The following BACH1 variants were observed in gnomAD, a reference collection of about 807,000 sequenced individuals.
BACH1 encodes transcription regulator protein BACH1.
BACH1 carries 35 observed loss-of-function variants against 52.9 expected under a neutral mutation model. The observed-to-expected ratio is 0.66, with a 90% CI of 0.51 to 0.88. The LOEUF (loss-of-function observed/expected upper bound fraction) is 0.88, where lower values mean the gene tolerates loss of function less well. BACH1 is among the 40% of genes least tolerant of loss of function. BACH1 has a pLI of 0.00. For missense variants in BACH1, 808 were observed against 872.6 expected (o/e 0.93, Z 0.93); for synonymous variants, 321 against 319.6 (o/e 1.00, Z -0.05).
chr21:29,340,829 C>T (rs1437806042), intron 4 of BACH1, among the ~76,000 whole-genome samples: 1 of 152,110 alleles, frequency 6.6e-6, no homozygotes, highest in Non-Finnish European at 1.5e-5. Context: ...AGGTACCGTT[C>T]TTGCCCTTTC....
intron 1 of BACH1, among the ~76,000 whole-genome samples, chr21:29,316,106 A>G (rs1241540514): frequency 1.3e-5 from 2 of 152,194 alleles, no homozygotes; most frequent in East Asian, 3.9e-4. Context: ...ATGGAACTTT[A>G]TACAAAGTTA....
At chr21:29,355,806 GCCCAA>G (rs2089230953) in intron 2 of BACH1, among the ~76,000 whole-genome samples, 2 of 152,240 alleles carry the variant, frequency 1.3e-5, no homozygotes, top group South Asian at 4.1e-4. Flanking sequence ...AAGCCATGTT[GCCCAA>G]CTCCAGAGGT....
At chr21:29,301,033 G>A (rs759302462) in intron 1 of BACH1, among the ~76,000 whole-genome samples, 2 of 152,158 alleles carry the variant, frequency 1.3e-5, no homozygotes, top group African/African-American at 4.8e-5. Context: ...TGCAAACAAA[G>A]TTTAGGAATG....
At chr21:29,347,388 G>A (rs779042113), downstream of BACH1, among the ~76,000 whole-genome samples, 3 of 152,188 alleles carry the variant, frequency 2.0e-5, no homozygotes, top group Non-Finnish European at 2.9e-5. Flanking sequence ...TAGACTTAAT[G>A]ACGCTAAAAA....
intron 2 of BACH1, 114 bp downstream of exon 2, chr21:29,321,628 C>A: frequency 3.3e-6 from 3 of 902,324 alleles, no homozygotes; most frequent in South Asian, 2.1e-5. Context: ...GAGCATTTCC[C>A]AGGTTCTGTG....
rs747731338 is a variant in BACH1, at chr21:29,342,527, A to C, written c.1905A>C (p.Ile635=). 6.2e-7 allele frequency: 1 copy of C among 1,614,246 alleles called. No individual in the cohort carries two copies. ...CKEAALSQEQ[I]QILAKYSAAD... ...AAGCAGCTCTGAGTCAAGAACAAAT[A>C]CAGATACTCGCCAAGTACTCAGCTG... The change falls in exon 5 of 5, where the codon ATA becomes ATC. Residue 635 remains isoleucine (I), a synonymous_variant. Coordinates refer to ENST00000286800, the MANE Select transcript of BACH1 (RefSeq NM_001186.4).
At chr21:29,325,245 A>C (rs1601353830) in intron 2 of BACH1, among the ~76,000 whole-genome samples, 1 of 152,120 alleles carries the variant, frequency 6.6e-6, no homozygotes, top group African/African-American at 2.4e-5. Flanking sequence ...AAAAAAAATC[A>C]CAAATATTAA....
intron 1 of BACH1, among the ~76,000 whole-genome samples, chr21:29,310,444 C>T (rs1007329334): frequency 6.6e-6 from 1 of 152,172 alleles, no homozygotes; most frequent in Non-Finnish European, 1.5e-5. Context: ...GATTTCTGGA[C>T]ATACTGAATT....
chr21:29,326,696 C>T lies in BACH1; in HGVS notation c.872C>T (p.Thr291Met), dbSNP rs372287138. The T allele has an allele frequency of 2.8e-5, 45 of 1,613,986 alleles. No individual in the cohort carries two copies. In the Middle Eastern group the frequency reaches 6.6e-4, roughly 24 times the overall value. The change falls in exon 3 of 5, where the codon ACG (threonine) becomes ATG (methionine). Residue 291 changes from threonine to methionine, a missense_variant. Physicochemically the swap from Thr to Met is moderately conservative, Grantham distance 81. Transcript: ENST00000286800. ...ESKLAMEPEE[T>M]KKDPASQCPT... ...AAATTAGCAATGGAACCTGAAGAAACGAAGAAAGATCCTGCTTCTCAGTGC... is the reference window on the plus strand; with the variant it reads ...AAATTAGCAATGGAACCTGAAGAAATGAAGAAAGATCCTGCTTCTCAGTGC...
chr21:29,351,206 G>A (rs370813406), intron 2 of BACH1, among the ~76,000 whole-genome samples: 86 of 152,248 alleles, frequency 5.6e-4, no homozygotes, highest in African/African-American at 2.0e-3. Context: ...TCAGGAGACC[G>A]GACCTAAATA....
chr21:29,339,906 G>C (rs1346040332), intron 4 of BACH1, among the ~76,000 whole-genome samples: 1 of 152,186 alleles, frequency 6.6e-6, no homozygotes, highest in Non-Finnish European at 1.5e-5. Flanking sequence ...AAAGTGCTGG[G>C]ATTACAGGCG....
rs754294251 is a variant in BACH1, at chr21:29,326,746, C to T, written c.922C>T (p.Pro308Ser). Residue 308 changes from proline (P) to serine (S), a missense_variant, in exon 3 of 5, where the codon CCT becomes TCT. By Grantham distance (74) the Pro-to-Ser change is moderately conservative (BLOSUM62 -1). Transcript: ENST00000286800. ...CCCAACTGAAAAATCAGAAGTGACTCCTTTCCCCCACAATTCTTCCATAGA... is the reference window on the plus strand; with the variant it reads ...CCCAACTGAAAAATCAGAAGTGACTTCTTTCCCCCACAATTCTTCCATAGA... Reference protein sequence around the residue: ...QCPTEKSEVTPFPHNSSIDPH... With the variant: ...QCPTEKSEVTSFPHNSSIDPH... 6.2e-7 allele frequency: 1 copy of T among 1,614,038 alleles called. No homozygotes were observed. Among genetic ancestry groups the T allele is most frequent in the East Asian group, 2.2e-5 (1 of 44,890 alleles).
chr21:29,356,840 T>C (rs1040674047), intron 2 of BACH1, among the ~76,000 whole-genome samples: 1 of 125,848 alleles, frequency 7.9e-6, no homozygotes, highest in African/African-American at 2.7e-5. Flanking sequence ...GTTTTTCCTT[T>C]ACTACTTCTA....
intron 1 of BACH1, among the ~76,000 whole-genome samples, chr21:29,306,580 TG>T (rs1309944619): frequency 6.6e-6 from 1 of 152,142 alleles, no homozygotes; most frequent in Non-Finnish European, 1.5e-5. Flanking sequence ...TCTACTTCCT[TG>T]GAAGTTGATG....
chr21:29,338,291 G>T (rs182169221), intron 4 of BACH1, among the ~76,000 whole-genome samples: 171 of 152,276 alleles, frequency 1.1e-3, no homozygotes, highest in Non-Finnish European at 1.9e-3. Flanking sequence ...ATATTTCCCA[G>T]TGTGAAGCTT....
chr21:29,358,167 G>A (rs575797209), intron 2 of BACH1, among the ~76,000 whole-genome samples: 2 of 152,338 alleles, frequency 1.3e-5, no homozygotes, highest in East Asian at 3.9e-4. Flanking sequence ...CACATTTGAT[G>A]TTAGCAATTC....
At chr21:29,321,002 T>G (rs1244191627) in intron 1 of BACH1, among the ~76,000 whole-genome samples, 1 of 152,148 alleles carries the variant, frequency 6.6e-6, no homozygotes, top group African/African-American at 2.4e-5. Context: ...TTCAAAAAGT[T>G]CCCTCACACC....
Position 29,343,520 on chromosome 21 carries a change from T to G in BACH1, c.*687T>G, listed in dbSNP as rs1281659116. On this transcript the variant is annotated 3_prime_UTR_variant, in exon 5 of 5. Transcript: ENST00000286800. Reference sequence around the variant, plus strand: ...GAAAGTCTGGCTACATGAATAGATTTAAGTGTCACTTTCCCTCCCTGCCCC... The same window carrying G: ...GAAAGTCTGGCTACATGAATAGATTGAAGTGTCACTTTCCCTCCCTGCCCC... 6.6e-6 allele frequency: 1 copy of G among 152,288 alleles called. No individual in the cohort carries two copies. The highest frequency in any genetic ancestry group is 1.5e-5 in the Non-Finnish European group (1 of 68,102). The allele number at this position is 152,288 out of a possible 1,614,324, so 9.4% of individuals were successfully genotyped here. A position where few individuals can be genotyped will look rare whatever the true frequency, so the allele number is the denominator to read the frequency against.
intron 1 of BACH1, among the ~76,000 whole-genome samples, chr21:29,317,146 T>C (rs181663773): frequency 2.0e-5 from 3 of 152,290 alleles, no homozygotes; most frequent in Non-Finnish European, 4.4e-5. Flanking sequence ...GCGCAGTCCT[T>C]ATGAGACTCT....
Sources: gnomAD v4.1 joint callset for allele counts (sites outside exome capture counted in the v4.1 genomes callset) on GRCh38, gnomAD v4.1.1 for gene constraint, MANE v1.5 for transcripts, NCBI Gene and HGNC (gene_info 2026-07-23, HGNC 2026-07-21) for gene names.